Variants in COL25A1 observed in about 807,000 individuals in gnomAD.
COL25A1 encodes collagen type XXV alpha 1 chain.
In COL25A1, 103 loss-of-function variants were observed where a neutral mutation model predicts 128.4. The observed-to-expected ratio is 0.80, with a 90% confidence interval of 0.68 to 0.94. The LOEUF (loss-of-function observed/expected upper bound fraction) is 0.94. COL25A1 is among the 40% of genes least tolerant of loss of function. The pLI is 0.00. For synonymous variants in COL25A1, 279 were observed against 277.2 expected (o/e 1.01, Z -0.06); for missense variants, 745 against 840.0 (o/e 0.89, Z 1.40).
In COL25A1 at chr4:108,850,125, C is replaced by G. The variant is rs536597338; in HGVS notation, c.1390-1322G>C. Among the ~76,000 whole-genome samples, 97 of 152,220 alleles carry G rather than the reference C, an allele frequency of 6.4e-4. 1 individual carries two copies. The highest frequency in any genetic ancestry group is 2.3e-3 in the African/African-American group (96 of 41,552). On this transcript the variant is annotated intron_variant, in intron 26 of 37. Coordinates refer to ENST00000399132, the MANE Select transcript of COL25A1 (RefSeq NM_198721.4). ...AATGATGGCTTTGCTAGGCTTTTCC[C>G]TTTAAAATATGATTCACAAGTGTTT...
intron 3 of COL25A1, among the ~76,000 whole-genome samples, chr4:109,090,036 A>G (rs1003798884): frequency 2.0e-5 from 3 of 152,176 alleles, no homozygotes; most frequent in Non-Finnish European, 4.4e-5. Context: ...ATAAATGTAA[A>G]ACATTTCTAG....
chr4:109,137,550 C>T (rs1327258598), intron 3 of COL25A1, among the ~76,000 whole-genome samples: 3 of 152,270 alleles, frequency 2.0e-5, no homozygotes, highest in Middle Eastern at 3.4e-3. Context: ...ATCATTTCCC[C>T]ACCTAGAGTC....
chr4:109,136,600 A>G (rs1126153), intron 3 of COL25A1, among the ~76,000 whole-genome samples: 110,380 of 152,104 alleles, frequency 0.73, 40,825 homozygotes, highest in East Asian at 1. Context: ...ATTGCTTGGA[A>G]CATTTCAGGA....
chr4:109,131,399 G>A (rs1237887085), intron 3 of COL25A1, among the ~76,000 whole-genome samples: 4 of 152,226 alleles, frequency 2.6e-5, no homozygotes, highest in Admixed American at 6.5e-5. Flanking sequence ...GAAATGTAAC[G>A]GATGATGGAA....
rs1441721745 is a variant in COL25A1 at position 108,825,134 on chromosome 4, C to T, written c.1791+62G>A. 57 of 1,298,288 alleles carry T rather than the reference C, an allele frequency of 4.4e-5. 1 individual carries two copies. The highest frequency in any genetic ancestry group is 7.2e-5 in the South Asian group (6 of 83,148). 80.4% of individuals were successfully genotyped at this position (1,298,288 alleles called of 1,614,324 possible). On this transcript the variant is annotated intron_variant, in intron 34 of 37. Transcript: ENST00000399132. ...AAAAAAGAAGTATTCTTTTTGTTATCGATGATGGAGACCATCAACATCTAT... is the reference window on the plus strand; with the variant it reads ...AAAAAAGAAGTATTCTTTTTGTTATTGATGATGGAGACCATCAACATCTAT...
chr4:108,882,524 T>C (rs374893579), intron 19 of COL25A1, among the ~76,000 whole-genome samples: 25 of 152,330 alleles, frequency 1.6e-4, no homozygotes, highest in African/African-American at 5.8e-4. Flanking sequence ...TTCTTATCAC[T>C]TTAAATAAAT....
intron 20 of COL25A1, among the ~76,000 whole-genome samples, chr4:108,867,425 C>T (rs1738072357): frequency 6.6e-6 from 1 of 152,216 alleles, no homozygotes; most frequent in African/African-American, 2.4e-5. Flanking sequence ...TCCAGAAAGA[C>T]ATTTCTTGTG....
intron 3 of COL25A1, among the ~76,000 whole-genome samples, chr4:109,108,543 C>A (rs529216705): frequency 6.6e-6 from 1 of 151,958 alleles, no homozygotes; most frequent in Admixed American, 6.6e-5. Flanking sequence ...TGGGTATATA[C>A]CTAGTAATGG....
intron 3 of COL25A1, among the ~76,000 whole-genome samples, chr4:109,277,436 G>A (rs1722948459): frequency 6.6e-6 from 1 of 152,150 alleles, no homozygotes; most frequent in African/African-American, 2.4e-5. Context: ...GCTAGGGTGG[G>A]AGCTGGAGAG....
chr4:109,073,014 CTT>C (rs1226537402), intron 3 of COL25A1, among the ~76,000 whole-genome samples: 1 of 152,128 alleles, frequency 6.6e-6, no homozygotes, highest in Admixed American at 6.6e-5. Flanking sequence ...CAGGTTGAGA[CTT>C]TTCTCTGAGG....
chr4:109,266,897 T>C (rs1261962700), intron 3 of COL25A1, among the ~76,000 whole-genome samples: 1 of 152,202 alleles, frequency 6.6e-6, no homozygotes, highest in Non-Finnish European at 1.5e-5. Flanking sequence ...CTTTATGTCT[T>C]AATCAGATTA....
At chr4:108,944,642 ACTCAT>A (rs1419680360) in intron 8 of COL25A1, among the ~76,000 whole-genome samples, 1 of 152,090 alleles carries the variant, frequency 6.6e-6, no homozygotes, top group African/African-American at 2.4e-5. Context: ...CACTTCTTGT[ACTCAT>A]CTCTGAGCAT....
Position 109,039,321 on chromosome 4 carries a change from C to T in COL25A1, c.420+8847G>A, listed in dbSNP as rs1759647537. Among the ~76,000 whole-genome samples, 2 of 152,156 alleles carry T rather than the reference C, an allele frequency of 1.3e-5. 1 individual carries two copies. Among genetic ancestry groups the T allele is most frequent in the Admixed American group, 1.3e-4 (2 of 15,280 alleles). ...GAATGGCATGCAAAGTACTCCATAG[C>T]CTCATCCTGCTCCAATCTCTATTTT... On this transcript the variant is annotated intron_variant, in intron 5 of 37. Coordinates refer to ENST00000399132, the MANE Select transcript of COL25A1 (RefSeq NM_198721.4).
chr4:108,947,849 G>A (rs565784806), intron 8 of COL25A1, among the ~76,000 whole-genome samples: 1 of 152,286 alleles, frequency 6.6e-6, no homozygotes, highest in Admixed American at 6.5e-5. Context: ...TTGGGCTATG[G>A]AGGAAAAGAT....
chr4:108,838,936 T>C (rs940323862), intron 31 of COL25A1, among the ~76,000 whole-genome samples: 1 of 152,162 alleles, frequency 6.6e-6, no homozygotes. Context: ...AGTAACGGCA[T>C]GTTAGATATC....
At chr4:109,227,577 T>G (rs2126216847) in intron 3 of COL25A1, among the ~76,000 whole-genome samples, 1 of 152,362 alleles carries the variant, frequency 6.6e-6, no homozygotes, top group Non-Finnish European at 1.5e-5. Context: ...ATTAGCGATT[T>G]TCTGCTTTGG....
chr4:109,050,310 TG>T, intron 3 of COL25A1, 131 bp from the exon 4 acceptor site: 1 of 655,498 alleles, frequency 1.5e-6, no homozygotes, highest in Non-Finnish European at 2.6e-6. Flanking sequence ...ATCAGATATT[TG>T]TAAAGGTCAG....
At chr4:109,024,572 A>G (rs1038061356) in intron 5 of COL25A1, among the ~76,000 whole-genome samples, 27 of 152,228 alleles carry the variant, frequency 1.8e-4, no homozygotes, top group East Asian at 1.9e-4. Context: ...TACGGATGAT[A>G]GGATTATAAG....
At chr4:109,220,420 C>G (rs999444943) in intron 3 of COL25A1, among the ~76,000 whole-genome samples, 3 of 152,114 alleles carry the variant, frequency 2.0e-5, no homozygotes, top group Non-Finnish European at 2.9e-5. Context: ...GCAATTCAAA[C>G]TAGACACAAA....
Sources: gnomAD v4.1 joint callset for allele counts (sites outside exome capture counted in the v4.1 genomes callset) on GRCh38, gnomAD v4.1.1 for gene constraint, MANE v1.5 for transcripts, NCBI Gene and HGNC (gene_info 2026-07-23, HGNC 2026-07-21) for gene names.